PLCL2: variants seen among roughly 807,000 people sequenced by gnomAD.
PLCL2 encodes inactive phospholipase C-like protein 2.
Under a neutral mutation model 79.6 loss-of-function variants are expected in PLCL2, and 4 were observed. The observed-to-expected ratio is 0.05, with a 90% CI of 0.02 to 0.11. The LOEUF (loss-of-function observed/expected upper bound fraction) is 0.11. Ranked by LOEUF, PLCL2 falls within the 10% of genes least tolerant of loss-of-function variation. The pLI, the probability that PLCL2 is intolerant of heterozygous loss-of-function variation, is 1.00. For synonymous variants in PLCL2, 484 were observed against 457.7 expected (o/e 1.06, Z -0.73); for missense variants, 895 against 1,291.0 (o/e 0.69, Z 4.70).
At chr3:17,037,469 G>GT (rs575499155) in intron 3 of PLCL2, among the ~76,000 whole-genome samples, 8 of 152,134 alleles carry the variant, frequency 5.3e-5, no homozygotes, top group Non-Finnish European at 8.8e-5. Context: ...AAAGAACAAA[G>GT]TTTTTTTACT....
intron 1 of PLCL2, among the ~76,000 whole-genome samples, chr3:16,965,197 T>C (rs1445040596): frequency 6.6e-6 from 1 of 152,230 alleles, no homozygotes; most frequent in Non-Finnish European, 1.5e-5. Context: ...AATTTTTGTA[T>C]AAGGTATAAG....
intron 3 of PLCL2, among the ~76,000 whole-genome samples, chr3:17,036,470 T>C (rs1199903846): frequency 6.6e-6 from 1 of 152,182 alleles, no homozygotes; most frequent in East Asian, 1.9e-4. Context: ...ATCCCGATGT[T>C]TTAGAATCAA....
intron 1 of PLCL2, among the ~76,000 whole-genome samples, chr3:17,003,624 C>G (rs547909397): frequency 6.6e-6 from 1 of 152,272 alleles, no homozygotes; most frequent in South Asian, 2.1e-4. Context: ...GCACCTGGGC[C>G]TCAGGAATGG....
intron 1 of PLCL2, among the ~76,000 whole-genome samples, chr3:16,988,392 C>T (rs2064071584): frequency 6.6e-6 from 1 of 152,114 alleles, no homozygotes; most frequent in East Asian, 1.9e-4. Flanking sequence ...ATTCATTTCA[C>T]AGTCTTAGTG....
chr3:16,944,278 T>C (rs932306533), intron 1 of PLCL2, among the ~76,000 whole-genome samples: 96 of 152,182 alleles, frequency 6.3e-4, no homozygotes, highest in Non-Finnish European at 1.0e-4. Context: ...ATCTTTTTAT[T>C]ATTAGGATTT....
intron 1 of PLCL2, among the ~76,000 whole-genome samples, chr3:16,923,528 A>G (rs547705506): frequency 9.2e-5 from 14 of 152,130 alleles, no homozygotes; most frequent in South Asian, 4.2e-4. Flanking sequence ...AAGGAATTCT[A>G]TTCTTTCAGA....
chr3:17,089,891 A>T lies in PLCL2; in HGVS notation c.3363A>T (p.Ala1121=). The change falls in exon 6 of 6, where the codon GCA becomes GCT. Residue 1121 remains alanine, a synonymous_variant. Coordinates refer to ENST00000615277, the MANE Select transcript of PLCL2 (RefSeq NM_001144382.2). The stretch of plus-strand genomic sequence containing the variant: ...GCTTGGAAGTCATACCCGAAAAAGC[A>T]AACGATGAAACTGGAGAATGAGGAA... The part of the protein sequence containing the change: ...RRSLEVIPEK[A]NDETGE The T allele has an allele frequency of 6.2e-7, 1 of 1,612,958 alleles. No homozygotes were observed. The highest frequency in any genetic ancestry group is 8.5e-7 in the Non-Finnish European group (1 of 1,179,722).
At chr3:16,925,812 A>T (rs1431847765) in intron 1 of PLCL2, among the ~76,000 whole-genome samples, 1 of 152,214 alleles carries the variant, frequency 6.6e-6, no homozygotes, top group Non-Finnish European at 1.5e-5. Context: ...TTTGGCTATT[A>T]TGGACTATGC....
chr3:17,079,946 A>G (rs190837727), intron 5 of PLCL2, among the ~76,000 whole-genome samples: 8 of 152,266 alleles, frequency 5.3e-5, no homozygotes, highest in African/African-American at 1.7e-4. Context: ...ATCTCTTTGG[A>G]TCCAGCAAAA....
intron 1 of PLCL2, among the ~76,000 whole-genome samples, chr3:16,909,454 CA>C (rs1696824430): frequency 6.6e-6 from 1 of 152,104 alleles, no homozygotes; most frequent in Admixed American, 6.5e-5. Context: ...TTTGGCACAC[CA>C]AAGCACCCAA....
intron 1 of PLCL2, among the ~76,000 whole-genome samples, chr3:16,893,474 A>G (rs958489941): frequency 3.3e-5 from 5 of 152,188 alleles, no homozygotes; most frequent in Non-Finnish European, 5.9e-5. Flanking sequence ...TGATTTGGAT[A>G]TTGCAGATAT....
chr3:16,924,088 G>C (rs963783610), intron 1 of PLCL2, among the ~76,000 whole-genome samples: 2 of 152,118 alleles, frequency 1.3e-5, no homozygotes, highest in Non-Finnish European at 2.9e-5. Context: ...AAAAATCTTT[G>C]ATTAGTACAT....
intron 1 of PLCL2, among the ~76,000 whole-genome samples, chr3:16,900,697 C>A: frequency 6.6e-6 from 1 of 152,264 alleles, no homozygotes; most frequent in African/African-American, 2.4e-5. Context: ...GCTTAGTGGG[C>A]TCTCACAATG....
rs35931982 is a variant in PLCL2 at position 17,090,212 on chromosome 3, AT to A, written c.*304del. On this transcript the variant is annotated 3_prime_UTR_variant, in exon 6 of 6. Coordinates refer to ENST00000615277, the MANE Select transcript of PLCL2 (RefSeq NM_001144382.2). ...ATTCACTCTAGCTCCACTGAGAAAC[AT>A]TTTCCTAAGTGAAAACAATTTCTTA... is the stretch of plus-strand genomic sequence containing the variant. 1 of 1,045,500 alleles carries A rather than the reference AT, an allele frequency of 9.6e-7. No homozygotes were observed. The highest frequency in any genetic ancestry group is 1.7e-5 in the African/African-American group (1 of 59,686). 64.8% of individuals were successfully genotyped at this position (1,045,500 alleles called of 1,614,324 possible).
intron 1 of PLCL2, among the ~76,000 whole-genome samples, chr3:16,979,706 G>T (rs1453439893): frequency 7.8e-4 from 114 of 146,308 alleles, no homozygotes; most frequent in African/African-American, 2.8e-3. Context: ...TCTTAGTACA[G>T]AACAAAATGA....
At chr3:16,979,743 A>G (rs1444537370) in intron 1 of PLCL2, among the ~76,000 whole-genome samples, 3 of 147,118 alleles carry the variant, frequency 2.0e-5, no homozygotes, top group Non-Finnish European at 4.5e-5. Flanking sequence ...ACCTCTTTCT[A>G]CACAGACACG....
intron 1 of PLCL2, among the ~76,000 whole-genome samples, chr3:16,962,783 C>G (rs1371639836): frequency 6.6e-6 from 1 of 152,108 alleles, no homozygotes; most frequent in African/African-American, 2.4e-5. Context: ...AAAAATTCCT[C>G]AAAGTATTGA....
At chr3:17,013,479 A>C (rs1306766172) in intron 2 of PLCL2, among the ~76,000 whole-genome samples, 1 of 152,208 alleles carries the variant, frequency 6.6e-6, no homozygotes, top group Non-Finnish European at 1.5e-5. Context: ...TGCAGGTATG[A>C]GTAAGTGGTG....
chr3:17,048,345 T>A (rs548923586), intron 4 of PLCL2, among the ~76,000 whole-genome samples: 4 of 152,158 alleles, frequency 2.6e-5, no homozygotes, highest in Non-Finnish European at 5.9e-5. Flanking sequence ...TACTGAAACA[T>A]TTTTTGGAGG....
Sources: allele counts gnomAD v4.1 joint callset (sites outside exome capture counted in the v4.1 genomes callset), GRCh38; gene constraint gnomAD v4.1.1; transcripts MANE v1.5; gene names NCBI Gene and HGNC (gene_info 2026-07-23, HGNC 2026-07-21).